Variants in MAD1L1 observed in about 807,000 individuals in gnomAD.
MAD1L1 encodes the protein mitotic spindle assembly checkpoint protein MAD1.
Under a neutral mutation model 96.9 loss-of-function variants are expected in MAD1L1, and 95 were observed. The ratio of observed to expected loss-of-function variants is 0.98; its 90% confidence interval spans 0.83 to 1.16. The LOEUF is 1.16. MAD1L1 is among the 50% of genes most tolerant of loss of function. MAD1L1 has a pLI of 0.00. For synonymous variants in MAD1L1, 473 were observed against 396.6 expected (o/e 1.19, Z -2.29); for missense variants, 1,007 against 954.4 (o/e 1.06, Z -0.73).
chr7:1,857,440 C>A (rs1784312938), intron 18 of MAD1L1, among the ~76,000 whole-genome samples: 1 of 152,180 alleles, frequency 6.6e-6, no homozygotes, highest in South Asian at 2.1e-4. Context: ...CACAGTCAGG[C>A]CTCTGCTGTC....
chr7:1,968,739 T>G lies in MAD1L1; in HGVS notation c.1506-11020A>C, dbSNP rs191688433. Among the ~76,000 whole-genome samples the G allele has an allele frequency of 7.9e-5, 12 of 152,330 alleles. No individual in the cohort carries two copies. The East Asian group carries it at 2.3e-3, about 29-fold the overall frequency. On this transcript the variant is annotated intron_variant, in intron 15 of 18. Transcript: ENST00000265854. The surrounding 1 kb of genome is among the most constrained non-coding windows in gnomAD (Gnocchi z 5.6). ...TCCTTCCAAAAACCACCATCTCAGGTTAACAATGAAACACATCACACAAGC... is the reference window on the plus strand; with the variant it reads ...TCCTTCCAAAAACCACCATCTCAGGGTAACAATGAAACACATCACACAAGC...
intron 11 of MAD1L1, among the ~76,000 whole-genome samples, chr7:2,112,357 T>G (rs1787424568): frequency 6.6e-6 from 1 of 151,956 alleles, no homozygotes; most frequent in Admixed American, 6.5e-5. Flanking sequence ...CTCTAAGCGG[T>G]AAACCTAAGG....
intron 11 of MAD1L1, among the ~76,000 whole-genome samples, chr7:2,074,888 G>A (rs1025717735): frequency 1.3e-5 from 2 of 152,232 alleles, no homozygotes; most frequent in Non-Finnish European, 2.9e-5. Flanking sequence ...GTCAGAGACA[G>A]GCGGTGTCAG....
chr7:1,856,595 A>G (rs1010709815), intron 18 of MAD1L1, among the ~76,000 whole-genome samples: 1 of 152,174 alleles, frequency 6.6e-6, no homozygotes, highest in Non-Finnish European at 1.5e-5. Context: ...GTGCTGTGTG[A>G]GCAGAGATAA....
chr7:1,834,464 A>G (rs549583383), intron 18 of MAD1L1, among the ~76,000 whole-genome samples: 4 of 152,372 alleles, frequency 2.6e-5, no homozygotes, highest in African/African-American at 9.6e-5. Flanking sequence ...CAGATCCTAC[A>G]GATGTTAAAA....
intron 12 of MAD1L1, among the ~76,000 whole-genome samples, chr7:2,062,467 C>CG (rs1165218983): frequency 6.6e-6 from 1 of 151,586 alleles, no homozygotes; most frequent in Non-Finnish European, 1.5e-5. Flanking sequence ...CCCAGCTACT[C>CG]GAGAGGCTGA....
intron 10 of MAD1L1, among the ~76,000 whole-genome samples, chr7:2,156,090 G>A (rs972792032): frequency 6.6e-6 from 1 of 152,326 alleles, no homozygotes; most frequent in East Asian, 1.9e-4. Context: ...CAGGACAGTG[G>A]GCGCATGGTT....
Position 1,816,131 on chromosome 7 carries a change from C to G in MAD1L1, c.2096G>C (p.Ser699Thr), listed in dbSNP as rs772629589. The change falls in exon 19 of 19, where the codon AGC (serine) becomes ACC (threonine). Residue 699 changes from serine (S) to threonine (T), a missense_variant. Physicochemically the swap from Ser to Thr is moderately conservative, Grantham distance 58 (BLOSUM62 1). Transcript: ENST00000265854. ...GAGCGAGCTGAGGAAGGCAGGGATG[C>G]TGTCCTGGCGCCGCAGGTGCACCTC... is the stretch of plus-strand genomic sequence containing the variant. The part of the protein sequence containing the change: ...LIEVHLRRQD[S>T]IPAFLSSLTL... The G allele has an allele frequency of 1.2e-6, 2 of 1,613,008 alleles. No individual in the cohort carries two copies. Among genetic ancestry groups the G allele is most frequent in the African/African-American group, 2.7e-5 (2 of 74,920 alleles).
At chr7:2,073,820 T>C (rs3778937) in intron 11 of MAD1L1, among the ~76,000 whole-genome samples, 63,536 of 151,970 alleles carry the variant, frequency 0.42, 16,057 homozygotes, top group African/African-American at 0.72. Flanking sequence ...TGAACGGAGA[T>C]GGGAGAAGTG....
chr7:1,843,952 GA>G (rs1783432709), intron 18 of MAD1L1, among the ~76,000 whole-genome samples: 1 of 152,212 alleles, frequency 6.6e-6, no homozygotes, highest in South Asian at 2.1e-4. Context: ...GGGACACTCA[GA>G]AGTTTGGTTT....
intron 16 of MAD1L1, among the ~76,000 whole-genome samples, chr7:1,949,602 C>T (rs1024230065): frequency 5.3e-5 from 8 of 152,176 alleles, no homozygotes; most frequent in African/African-American, 1.7e-4. Flanking sequence ...CCAGGAGAGC[C>T]GCAGCCACTT....
At chr7:1,857,260 C>A (rs554246565) in intron 18 of MAD1L1, among the ~76,000 whole-genome samples, 26 of 152,174 alleles carry the variant, frequency 1.7e-4, no homozygotes, top group Admixed American at 9.2e-4. Context: ...ACGTCTCGGG[C>A]GAGGGTGGGT....
intron 17 of MAD1L1, among the ~76,000 whole-genome samples, chr7:1,915,974 A>G (rs1471915771): frequency 1.3e-5 from 2 of 152,258 alleles, no homozygotes; most frequent in Non-Finnish European, 2.9e-5. Context: ...TGATGAGAAC[A>G]CAATCCAGTC....
intron 10 of MAD1L1, among the ~76,000 whole-genome samples, chr7:2,201,507 G>A (rs1034548361): frequency 6.2e-4 from 94 of 152,220 alleles, no homozygotes; most frequent in African/African-American, 2.1e-3. Context: ...GGATGCCACC[G>A]CCTCCTCTAA....
At chr7:2,231,071 G>C (rs139262522) in intron 1 of MAD1L1, among the ~76,000 whole-genome samples, 1 of 152,172 alleles carries the variant, frequency 6.6e-6, no homozygotes, top group African/African-American at 2.4e-5. Context: ...CCAGCACTTC[G>C]GGAGGCGGAG....
chr7:2,009,908 G>A (rs891888073), intron 13 of MAD1L1, among the ~76,000 whole-genome samples: 9 of 151,948 alleles, frequency 5.9e-5, no homozygotes, highest in African/African-American at 1.9e-4. Context: ...GCTCAGCGCA[G>A]TTCTGTACTG....
chr7:1,946,252 A>C (rs1356777801), intron 16 of MAD1L1, among the ~76,000 whole-genome samples: 1 of 152,188 alleles, frequency 6.6e-6, no homozygotes, highest in African/African-American at 2.4e-5. Flanking sequence ...GTGAGGCTCC[A>C]GGCGTGGGGA....
intron 3 of MAD1L1, among the ~76,000 whole-genome samples, chr7:2,227,761 C>G (rs552108527): frequency 6.6e-6 from 1 of 152,224 alleles, no homozygotes; most frequent in Non-Finnish European, 1.5e-5. Context: ...CCTGGTCTCA[C>G]TTCTGTGTCT....
At chr7:2,076,174 GC>G (rs1785364794) in intron 11 of MAD1L1, among the ~76,000 whole-genome samples, 1 of 152,210 alleles carries the variant, frequency 6.6e-6, no homozygotes, top group Non-Finnish European at 1.5e-5. Context: ...CCACAGCCAC[GC>G]CCGGGCCCAG....
Sources: gnomAD v4.1 joint callset for allele counts (sites outside exome capture counted in the v4.1 genomes callset) on GRCh38, gnomAD v4.1.1 for gene constraint, Gnocchi (gnomAD v3.1) non-coding constraint, MANE v1.5 for transcripts, NCBI Gene and HGNC (gene_info 2026-07-23, HGNC 2026-07-21) for gene names.